CDC14A: variants seen among roughly 807,000 people sequenced by gnomAD.
CDC14A encodes the protein cell division cycle 14A.
In CDC14A, 53 loss-of-function variants were observed where a neutral mutation model predicts 74.4. The ratio of observed to expected loss-of-function variants is 0.71; its 90% CI spans 0.57 to 0.89. CDC14A has a LOEUF of 0.89. Ranked by LOEUF, CDC14A falls within the 40% of genes least tolerant of loss-of-function variation. CDC14A has a pLI of 0.00. For missense variants in CDC14A, 646 were observed against 713.7 expected, an observed-to-expected ratio of 0.91 and a Z score of 1.08; for synonymous variants, 247 against 258.4, an observed-to-expected ratio of 0.96 and a Z score of 0.43.
chr1:100,423,744 G>T (rs1662628165), intron 4 of CDC14A: 1 of 157,222 alleles, frequency 6.4e-6, no homozygotes, highest in South Asian at 1.9e-4. Flanking sequence ...ATTTTATTGA[G>T]TGTCTAGAGA....
rs553897129 is a variant in CDC14A, at chr1:100,473,691, A to G, written c.977+5597A>G. 7.2e-4 allele frequency among the ~76,000 whole-genome samples: 109 copies of G among 152,182 alleles called. 4 individuals are homozygous for G. The South Asian group carries it at 0.01, about 14-fold the overall frequency. On this transcript the variant is annotated intron_variant, in intron 10 of 15. Coordinates refer to ENST00000336454, the MANE Select transcript of CDC14A (RefSeq NM_003672.4). ...GTGTGAGCCACCCTGCCTGGCCACA[A>G]TTGATTTTTCTGTTTATTTTGTATC...
At chr1:100,354,638 G>T (rs1008324058) in intron 2 of CDC14A, among the ~76,000 whole-genome samples, 2 of 152,242 alleles carry the variant, frequency 1.3e-5, no homozygotes, top group Non-Finnish European at 2.9e-5. Flanking sequence ...AAAAGTATCA[G>T]ATAATAAGAA....
At chr1:100,360,898 A>G (rs1570951706) in intron 2 of CDC14A, among the ~76,000 whole-genome samples, 1 of 152,190 alleles carries the variant, frequency 6.6e-6, no homozygotes, top group African/African-American at 2.4e-5. Flanking sequence ...GAGAGCTCCA[A>G]GTGGGCTGCA....
At chr1:100,365,492 A>G (rs1653450330) in intron 2 of CDC14A, among the ~76,000 whole-genome samples, 1 of 152,376 alleles carries the variant, frequency 6.6e-6, no homozygotes, top group South Asian at 2.1e-4. Flanking sequence ...TTTAGGAGCC[A>G]TCTAATTCAG....
chr1:100,406,652 G>A (rs919976355), intron 4 of CDC14A, among the ~76,000 whole-genome samples: 10 of 152,170 alleles, frequency 6.6e-5, no homozygotes, highest in Middle Eastern at 3.4e-3. Context: ...GGCCAGGCAC[G>A]TTTGCTTATG....
intron 10 of CDC14A, among the ~76,000 whole-genome samples, chr1:100,482,674 C>A (rs560742985): frequency 6.6e-6 from 1 of 152,048 alleles, no homozygotes; most frequent in Non-Finnish European, 1.5e-5. Context: ...CCTGTCCTAC[C>A]TGTGTGTTTC....
At chr1:100,479,563 T>C (rs1337126928) in intron 10 of CDC14A, among the ~76,000 whole-genome samples, 1 of 152,208 alleles carries the variant, frequency 6.6e-6, no homozygotes, top group Non-Finnish European at 1.5e-5. Context: ...AAATTTTAAT[T>C]ATTTATTTTA....
At chr1:100,388,704 T>G (rs1657217181) in intron 3 of CDC14A, among the ~76,000 whole-genome samples, 1 of 152,180 alleles carries the variant, frequency 6.6e-6, no homozygotes, top group African/African-American at 2.4e-5. Flanking sequence ...TCTCCTGAGC[T>G]TAAGTGATAC....
At chr1:100,367,131 C>T (rs1039072028) in intron 2 of CDC14A, among the ~76,000 whole-genome samples, 3 of 152,152 alleles carry the variant, frequency 2.0e-5, no homozygotes, top group African/African-American at 7.2e-5. Flanking sequence ...GCACTCAGCC[C>T]TCAGATTTCT....
At chr1:100,458,928 T>C (rs1666998350) in intron 8 of CDC14A, among the ~76,000 whole-genome samples, 1 of 151,688 alleles carries the variant, frequency 6.6e-6, no homozygotes, top group South Asian at 2.1e-4. Flanking sequence ...TGATTCACAT[T>C]GTTTTGACAG....
At chr1:100,447,449 C>G (rs1261809041) in intron 7 of CDC14A, among the ~76,000 whole-genome samples, 42 of 152,174 alleles carry the variant, frequency 2.8e-4, no homozygotes, top group Admixed American at 2.7e-3. Flanking sequence ...GGAAGGTCCA[C>G]AAAAGTAACT....
At chr1:100,450,215 T>C (rs1665997769) in intron 7 of CDC14A, among the ~76,000 whole-genome samples, 1 of 152,210 alleles carries the variant, frequency 6.6e-6, no homozygotes, top group Admixed American at 6.5e-5. Context: ...CTTTAGCACC[T>C]ACCTTGAGAA....
rs1557708029 is a variant in CDC14A at position 100,390,815 on chromosome 1, T to A, written c.300T>A (p.Gly100=). Residue 100 remains glycine, a synonymous_variant, in exon 4 of 16, where the codon GGT becomes GGA. Transcript: ENST00000336454. The part of the protein sequence containing the change: ...RKRANAAFLI[G]AYAVIYLKKT... Reference sequence around the variant, plus strand: ...GAGCAAATGCAGCATTTTTGATAGGTGCCTATGCAGTAAGTACCTTCTTCA... The same window carrying A: ...GAGCAAATGCAGCATTTTTGATAGGAGCCTATGCAGTAAGTACCTTCTTCA... 3.1e-6 allele frequency: 5 copies of A among 1,608,154 alleles called. No individual in the cohort carries two copies. The highest frequency in any genetic ancestry group is 3.4e-6 in the Non-Finnish European group (4 of 1,174,968).
chr1:100,371,451 A>G (rs1036214265), intron 2 of CDC14A, among the ~76,000 whole-genome samples: 1 of 152,044 alleles, frequency 6.6e-6, no homozygotes, highest in Non-Finnish European at 1.5e-5. Flanking sequence ...GATGGCTCTT[A>G]TTATTTTGGG....
chr1:100,410,210 TAAA>T (rs879569475), intron 4 of CDC14A, among the ~76,000 whole-genome samples: 2 of 136,144 alleles, frequency 1.5e-5, no homozygotes, highest in Non-Finnish European at 1.6e-5. Context: ...AGACTCTGGC[TAAA>T]AAAAAAAAAG....
chr1:100,493,532 T>A (rs984355934), intron 11 of CDC14A, among the ~76,000 whole-genome samples: 1 of 152,250 alleles, frequency 6.6e-6, no homozygotes, highest in Admixed American at 6.5e-5. Context: ...TAGAACTGAA[T>A]GGTAAAACTG....
intron 3 of CDC14A, among the ~76,000 whole-genome samples, chr1:100,380,240 G>A (rs1208924218): frequency 1.3e-5 from 2 of 152,178 alleles, no homozygotes; most frequent in East Asian, 1.9e-4. Flanking sequence ...TGACCATTTA[G>A]TCAAGACTCA....
chr1:100,499,540 T>C (rs1648459699), intron 15 of CDC14A: 1 of 1,010,182 alleles, frequency 9.9e-7, no homozygotes, highest in African/African-American at 1.6e-5. Context: ...GAAATAGCTT[T>C]CATTCTTTTG....
At chr1:100,397,520 A>G (rs1215789480) in intron 4 of CDC14A, among the ~76,000 whole-genome samples, 5 of 152,362 alleles carry the variant, frequency 3.3e-5, no homozygotes, top group African/African-American at 1.2e-4. Context: ...CCAAGTCTTC[A>G]CTAGTACCTG....
Sources: gnomAD v4.1 joint callset for allele counts (sites outside exome capture counted in the v4.1 genomes callset) on GRCh38, gnomAD v4.1.1 for gene constraint, MANE v1.5 for transcripts, NCBI Gene and HGNC (gene_info 2026-07-23, HGNC 2026-07-21) for gene names.